The following TTC7B variants were observed in gnomAD, a reference collection of about 807,000 sequenced individuals.
TTC7B encodes tetratricopeptide repeat protein 7B.
A neutral mutation model predicts 106.8 loss-of-function variants in TTC7B; 28 were observed. The observed-to-expected ratio is 0.26, with a 90% CI of 0.19 to 0.36. TTC7B has a LOEUF of 0.36. TTC7B is among the 10% of genes least tolerant of loss of function. The pLI is 1.00. For missense variants in TTC7B, 862 were observed against 1,076.4 expected (o/e 0.80, Z 2.79); for synonymous variants, 405 against 430.6 (o/e 0.94, Z 0.74).
At chr14:90,658,609 G>A (rs1332714329) in intron 9 of TTC7B, among the ~76,000 whole-genome samples, 3 of 152,218 alleles carry the variant, frequency 2.0e-5, no homozygotes, top group African/African-American at 4.8e-5. Context: ...CCAGAGCTGT[G>A]ACAATCCCTG....
At chr14:90,683,035 C>A (rs886740830) in intron 7 of TTC7B, among the ~76,000 whole-genome samples, 21 of 152,162 alleles carry the variant, frequency 1.4e-4, no homozygotes, top group African/African-American at 4.6e-4. Context: ...TTAAAAATTT[C>A]CTCCGAAAGG....
intron 5 of TTC7B, among the ~76,000 whole-genome samples, chr14:90,728,795 T>C (rs185895684): frequency 1.8e-4 from 28 of 152,244 alleles, no homozygotes; most frequent in African/African-American, 6.5e-4. Flanking sequence ...TATTAACACA[T>C]ACAGACACAG....
rs1018688949 is a variant in TTC7B, at chr14:90,657,090, C to T, written c.1341+84G>A. The T allele has an allele frequency of 5.1e-6, 6 of 1,178,600 alleles. No individual in the cohort carries two copies. Among genetic ancestry groups the T allele is most frequent in the Non-Finnish European group, 6.2e-6 (5 of 811,660 alleles). The allele number at this position is 1,178,600 out of a possible 1,614,324, so 73.0% of individuals were successfully genotyped here. On this transcript the variant is annotated intron_variant, in intron 11 of 19. Transcript: ENST00000328459. The surrounding 1 kb of genome is among the most constrained non-coding windows in gnomAD (Gnocchi z 4.2). ...ACAGCTGATGAATCACCCTCGCTTT[C>T]TCTCTGTGCCTCGACATGAAAAAAA...
Position 90,805,024 on chromosome 14 carries a change from A to T in TTC7B, c.121+11151T>A, listed in dbSNP as rs2030521359. Among the ~76,000 whole-genome samples, 6 of 151,994 alleles carry T rather than the reference A, an allele frequency of 3.9e-5. No homozygotes were observed. The South Asian group carries it at 1.2e-3, about 32-fold the overall frequency. On this transcript the variant is annotated intron_variant, in intron 1 of 19. Transcript: ENST00000328459. This position sits in a 1 kb window ranked among gnomAD's most constrained non-coding sequence, Gnocchi z 4.0. ...CAGCCCCGCCAGCAAGCCAGGACTCACCCGGAGCCCCAGGCAGGCAGGGCT... is the reference window on the plus strand; with the variant it reads ...CAGCCCCGCCAGCAAGCCAGGACTCTCCCGGAGCCCCAGGCAGGCAGGGCT...
At chr14:90,799,293 A>G (rs1379322340) in intron 1 of TTC7B, among the ~76,000 whole-genome samples, 1 of 152,194 alleles carries the variant, frequency 6.6e-6, no homozygotes, top group Non-Finnish European at 1.5e-5. Context: ...GGCCTGGGCC[A>G]TCAGGGTCCT....
intron 3 of TTC7B, among the ~76,000 whole-genome samples, chr14:90,764,802 A>G (rs148563038): frequency 1.1e-4 from 17 of 152,336 alleles, no homozygotes; most frequent in African/African-American, 3.4e-4. Flanking sequence ...TCAAAAAGAC[A>G]GATAACAACA....
intron 1 of TTC7B, among the ~76,000 whole-genome samples, chr14:90,793,219 T>G (rs563935428): frequency 6.6e-6 from 1 of 152,030 alleles, no homozygotes; most frequent in African/African-American, 2.4e-5. Flanking sequence ...TGTGGAACTG[T>G]GAGTCAATTA....
intron 15 of TTC7B, among the ~76,000 whole-genome samples, chr14:90,628,276 A>G (rs1045247489): frequency 1.3e-5 from 2 of 152,212 alleles, no homozygotes; most frequent in Non-Finnish European, 2.9e-5. Flanking sequence ...TTCTCTCTGA[A>G]CTGTGAAGCT....
chr14:90,625,613 G>A (rs571330890), intron 15 of TTC7B, among the ~76,000 whole-genome samples: 1 of 152,342 alleles, frequency 6.6e-6, no homozygotes, highest in East Asian at 1.9e-4. Flanking sequence ...ATGCTGGGAT[G>A]ACAGCTGTGC....
At chr14:90,792,019 C>T (rs535897916) in intron 1 of TTC7B, among the ~76,000 whole-genome samples, 20 of 152,270 alleles carry the variant, frequency 1.3e-4, no homozygotes, top group Admixed American at 2.6e-4. Flanking sequence ...TCAAGTTTAC[C>T]GGTCTCCAAA....
chr14:90,766,528 G>A lies in TTC7B; in HGVS notation c.445+14210C>T, dbSNP rs59050440. The A allele has an allele frequency of 2.5e-3, 1,885 of 750,322 alleles. 15 individuals are homozygous for A. In the African/African-American group the frequency reaches 0.027, roughly 11 times the overall value. 46.5% of individuals were successfully genotyped at this position (750,322 alleles called of 1,614,324 possible). A position where few individuals can be genotyped will look rare whatever the true frequency, so the allele number is the denominator to read the frequency against. Reference sequence around the variant, plus strand: ...CCTACGTGCCACCTCTTGTACTGCCGCCATGTCTCTAGTGATCCCTGAAAA... The same window carrying A: ...CCTACGTGCCACCTCTTGTACTGCCACCATGTCTCTAGTGATCCCTGAAAA... On this transcript the variant is annotated intron_variant, in intron 3 of 19. Transcript: ENST00000328459.
chr14:90,748,760 C>A (rs998506982), intron 3 of TTC7B, among the ~76,000 whole-genome samples: 7 of 152,102 alleles, frequency 4.6e-5, no homozygotes, highest in African/African-American at 1.4e-4. Flanking sequence ...AAAAACCTTA[C>A]CCTATGTGGT....
intron 16 of TTC7B, among the ~76,000 whole-genome samples, chr14:90,615,992 C>A (rs143698450): frequency 3.7e-4 from 56 of 152,316 alleles, no homozygotes; most frequent in African/African-American, 1.2e-3. Context: ...AGTATGGACA[C>A]AGCCCAGGCA....
chr14:90,697,273 A>G (rs1411537495), intron 5 of TTC7B: 2 of 147,518 alleles, frequency 1.4e-5, no homozygotes, highest in African/African-American at 5.4e-5. Context: ...TGTCCTAGGA[A>G]ACAGAGTAAG....
intron 9 of TTC7B, among the ~76,000 whole-genome samples, chr14:90,672,093 C>T (rs759808493): frequency 8.5e-5 from 13 of 152,168 alleles, no homozygotes; most frequent in Non-Finnish European, 2.9e-5. Flanking sequence ...CCCAGGTCAG[C>T]CAAGGAGAGG....
intron 18 of TTC7B, among the ~76,000 whole-genome samples, chr14:90,584,609 A>G (rs1323669469): frequency 6.6e-6 from 1 of 152,156 alleles, no homozygotes; most frequent in East Asian, 1.9e-4. Context: ...ACAAAGGAGC[A>G]GTCTAGGCTG....
intron 4 of TTC7B, among the ~76,000 whole-genome samples, chr14:90,736,715 TC>T (rs1306641876): frequency 4.0e-5 from 6 of 151,602 alleles, no homozygotes; most frequent in African/African-American, 1.5e-4. Flanking sequence ...TGAGAACCTG[TC>T]TACAAAAAAT....
chr14:90,553,288 C>G (rs1464131390), intron 19 of TTC7B, among the ~76,000 whole-genome samples: 2 of 152,238 alleles, frequency 1.3e-5, no homozygotes, highest in Non-Finnish European at 2.9e-5. Flanking sequence ...AGAAATGCAC[C>G]TTCTGGGGTT....
chr14:90,722,222 C>G (rs537955622), intron 5 of TTC7B, among the ~76,000 whole-genome samples: 15 of 152,322 alleles, frequency 9.8e-5, no homozygotes, highest in African/African-American at 3.6e-4. Flanking sequence ...TAAAGCAGCT[C>G]TCACACAGAC....
Sources: gnomAD v4.1 joint callset for allele counts (sites outside exome capture counted in the v4.1 genomes callset) on GRCh38, gnomAD v4.1.1 for gene constraint, Gnocchi (gnomAD v3.1) non-coding constraint, MANE v1.5 for transcripts, NCBI Gene and HGNC (gene_info 2026-07-23, HGNC 2026-07-21) for gene names.